PTPRM: variants seen among roughly 807,000 people sequenced by gnomAD.
The protein encoded by PTPRM is receptor-type tyrosine-protein phosphatase mu.
PTPRM carries 47 observed loss-of-function variants against 186.7 expected under a neutral mutation model. The observed-to-expected ratio is 0.25, with a 90% confidence interval of 0.20 to 0.32. The LOEUF (loss-of-function observed/expected upper bound fraction) is 0.32, where lower values mean the gene tolerates loss of function less well. Among genes scored for constraint, PTPRM ranks in the 10% least tolerant of loss-of-function variants. The pLI is 1.00. For missense variants in PTPRM, 1,494 were observed against 1,865.0 expected, an observed-to-expected ratio of 0.80 and a Z score of 3.66; for synonymous variants, 668 against 674.9, an observed-to-expected ratio of 0.99 and a Z score of 0.16.
intron 2 of PTPRM, among the ~76,000 whole-genome samples, chr18:7,818,261 T>C (rs2044963707): frequency 6.6e-6 from 1 of 152,230 alleles, no homozygotes. Flanking sequence ...GAAACTAGTA[T>C]TAATTTCTTT....
chr18:7,889,333 CTTTT>C (rs770886704), intron 3 of PTPRM, among the ~76,000 whole-genome samples: 3 of 119,858 alleles, frequency 2.5e-5, no homozygotes, highest in African/African-American at 3.3e-5. Context: ...TCTTTTCTTT[CTTTT>C]TTTTTTTTTT....
chr18:8,267,265 A>G (rs2094713113), intron 19 of PTPRM, among the ~76,000 whole-genome samples: 1 of 152,192 alleles, frequency 6.6e-6, no homozygotes, highest in Non-Finnish European at 1.5e-5. Context: ...AACATAATTT[A>G]TCTGCCTAAA....
intron 3 of PTPRM, among the ~76,000 whole-genome samples, chr18:7,889,333 CTTTTTTTTTT>C (rs770886704): frequency 8.3e-6 from 1 of 119,858 alleles, no homozygotes; most frequent in Non-Finnish European, 1.7e-5. Flanking sequence ...TCTTTTCTTT[CTTTTTTTTTT>C]TTTTTTTTTT....
rs563885328 is a variant in PTPRM, at chr18:8,130,066, A to G, written c.2168-13581A>G. 5.3e-5 allele frequency among the ~76,000 whole-genome samples: 8 copies of G among 152,310 alleles called. No homozygotes were observed. The South Asian group carries it at 1.0e-3, about 20-fold the overall frequency. On this transcript the variant is annotated intron_variant, in intron 13 of 32. Transcript: ENST00000580170. ...TCTAAGATTCTATCATGTTAAAAAT[A>G]TCACCTACCTCCCCATTCTGCAACA...
At chr18:7,734,799 G>A (rs2040733425) in intron 1 of PTPRM, among the ~76,000 whole-genome samples, 1 of 152,138 alleles carries the variant, frequency 6.6e-6, no homozygotes, top group Non-Finnish European at 1.5e-5. Context: ...AAAGAATGAA[G>A]CTTTCAAATT....
chr18:8,315,787 T>G (rs547723566), intron 21 of PTPRM, among the ~76,000 whole-genome samples: 12 of 152,340 alleles, frequency 7.9e-5, no homozygotes, highest in African/African-American at 2.9e-4. Context: ...AAAATAACTA[T>G]GAGAATGTTA....
intron 19 of PTPRM, among the ~76,000 whole-genome samples, chr18:8,280,167 G>C (rs1016978505): frequency 6.6e-6 from 1 of 152,102 alleles, no homozygotes; most frequent in Non-Finnish European, 1.5e-5. Context: ...TGCCGGCATG[G>C]TTGGCGTCCT....
At chr18:7,711,777 C>T (rs1420423536) in intron 1 of PTPRM, among the ~76,000 whole-genome samples, 1 of 152,152 alleles carries the variant, frequency 6.6e-6, no homozygotes, top group African/African-American at 2.4e-5. Flanking sequence ...CAGATTGCCT[C>T]CCTAAATTCC....
At chr18:8,362,349 T>TA (rs1006456017) in intron 23 of PTPRM, among the ~76,000 whole-genome samples, 1 of 152,180 alleles carries the variant, frequency 6.6e-6, no homozygotes, top group Non-Finnish European at 1.5e-5. Flanking sequence ...AGGTACCCTT[T>TA]AAAAACACTG....
intron 14 of PTPRM, among the ~76,000 whole-genome samples, 190 bp downstream of exon 14, chr18:8,143,969 T>G (rs1261557275): frequency 6.6e-6 from 1 of 152,200 alleles, no homozygotes; most frequent in Non-Finnish European, 1.5e-5. Context: ...TAAATGGCTA[T>G]GATTCTGTGT....
At chr18:7,850,393 A>T (rs1007019289) in intron 2 of PTPRM, among the ~76,000 whole-genome samples, 1 of 152,214 alleles carries the variant, frequency 6.6e-6, no homozygotes, top group African/African-American at 2.4e-5. Context: ...AAGTATTGAG[A>T]TCTACAAGAT....
chr18:7,961,102 A>G (rs1039098993), intron 7 of PTPRM, among the ~76,000 whole-genome samples: 1 of 152,192 alleles, frequency 6.6e-6, no homozygotes, highest in Non-Finnish European at 1.5e-5. Context: ...TGGGGTATCC[A>G]TCACCTGAAG....
At chr18:8,404,621 A>G (rs2095892519) in intron 32 of PTPRM, 1 of 152,264 alleles carries the variant, frequency 6.6e-6, no homozygotes, top group Admixed American at 6.5e-5. Flanking sequence ...CTTAAGAAAT[A>G]CTGGACGTTT....
intron 23 of PTPRM, among the ~76,000 whole-genome samples, chr18:8,348,980 T>C (rs940884594): frequency 6.6e-6 from 1 of 152,130 alleles, no homozygotes; most frequent in Admixed American, 6.5e-5. Flanking sequence ...CCTACATGGA[T>C]TCTTGGATAT....
In PTPRM at chr18:7,567,538, A is replaced by C; in HGVS notation, c.-281A>C. 1.3e-4 allele frequency: 39 copies of C among 309,556 alleles called. No individual in the cohort carries two copies. Among genetic ancestry groups the C allele is most frequent in the East Asian group, 2.2e-4 (4 of 18,326 alleles). 19.2% of individuals were successfully genotyped at this position (309,556 alleles called of 1,614,324 possible). ...GAGCTCAGCAACCGGAACCGAGGGA[A>C]GATTTTGGCTCCGCGGGCTCGCCCT... On this transcript the variant is annotated 5_prime_UTR_variant, in exon 1 of 33. Coordinates refer to ENST00000580170, the MANE Select transcript of PTPRM (RefSeq NM_001105244.2). This position sits in a 1 kb window ranked among gnomAD's most constrained non-coding sequence, Gnocchi z 4.3.
In PTPRM at chr18:7,668,601, A is replaced by G. The variant is rs1598336968; in HGVS notation, c.73+100710A>G. On this transcript the variant is annotated intron_variant, in intron 1 of 32. Coordinates refer to ENST00000580170, the MANE Select transcript of PTPRM (RefSeq NM_001105244.2). This position sits in a 1 kb window ranked among gnomAD's most constrained non-coding sequence, Gnocchi z 4.7. ...TCTGAGTCCTGCATGGCCTGGCCCCATCACCTCTGTGACCTTCTGTCTCTC... is the reference window on the plus strand; with the variant it reads ...TCTGAGTCCTGCATGGCCTGGCCCCGTCACCTCTGTGACCTTCTGTCTCTC... Among the ~76,000 whole-genome samples, 1 of 152,170 alleles carries G rather than the reference A, an allele frequency of 6.6e-6. No individual in the cohort carries two copies. The highest frequency in any genetic ancestry group is 2.4e-5 in the African/African-American group (1 of 41,542).
chr18:7,966,676 A>G (rs1245947309), intron 7 of PTPRM, among the ~76,000 whole-genome samples: 1 of 147,844 alleles, frequency 6.8e-6, no homozygotes, highest in Non-Finnish European at 1.5e-5. Flanking sequence ...TCCCTTTCCG[A>G]GTCAAAGAAA....
rs1202284864 is a variant in PTPRM at position 7,888,516 on chromosome 18, T to C, written c.468+139T>C. 3.0e-6 allele frequency: 3 copies of C among 989,578 alleles called. No individual in the cohort carries two copies. The East Asian group carries it at 8.0e-5, about 26-fold the overall frequency. The allele number at this position is 989,578 out of a possible 1,614,324, so 61.3% of individuals were successfully genotyped here. ...TGTGGAGAAAGGGGAACTCTCATCC[T>C]ATACTGTTGGTGGGATTGTAAATTA... is the stretch of plus-strand genomic sequence containing the variant. On this transcript the variant is annotated intron_variant, in intron 3 of 32. Coordinates refer to ENST00000580170, the MANE Select transcript of PTPRM (RefSeq NM_001105244.2).
At chr18:7,993,499 A>G (rs2083373195) in intron 7 of PTPRM, among the ~76,000 whole-genome samples, 1 of 152,100 alleles carries the variant, frequency 6.6e-6, no homozygotes, top group African/African-American at 2.4e-5. Context: ...CACATGTAAG[A>G]GAATTCCCAT....
Sources: gnomAD v4.1 joint callset for allele counts (sites outside exome capture counted in the v4.1 genomes callset) on GRCh38, gnomAD v4.1.1 for gene constraint, Gnocchi (gnomAD v3.1) non-coding constraint, MANE v1.5 for transcripts, NCBI Gene and HGNC (gene_info 2026-07-23, HGNC 2026-07-21) for gene names.